Variants in TGFBR3 observed in about 807,000 individuals in gnomAD.
TGFBR3 encodes the protein transforming growth factor beta receptor type 3.
A neutral mutation model predicts 87.9 loss-of-function variants in TGFBR3; 46 were observed. The ratio of observed to expected loss-of-function variants is 0.52; its 90% CI spans 0.41 to 0.67. The LOEUF (loss-of-function observed/expected upper bound fraction) is 0.67, where lower values mean the gene tolerates loss of function less well. Ranked by LOEUF, TGFBR3 falls within the 30% of genes least tolerant of loss-of-function variation. The pLI is 0.00. For synonymous variants in TGFBR3, 381 were observed against 391.6 expected (o/e 0.97, Z 0.32); for missense variants, 866 against 1,041.9 (o/e 0.83, Z 2.32).
chr1:91,698,232 A>G lies in TGFBR3; in HGVS notation c.2288-102T>C, dbSNP rs527599555. 3.9e-5 allele frequency: 38 copies of G among 967,062 alleles called. No homozygotes were observed. The African/African-American group carries it at 5.6e-4, about 14-fold the overall frequency. 59.9% of individuals were successfully genotyped at this position (967,062 alleles called of 1,614,324 possible). ...GAAACTGACACTTTTCCATTTGGTA[A>G]TAAATACTGTGAGAAAGCTCTGTCA... On this transcript the variant is annotated intron_variant, in intron 14 of 16. Transcript: ENST00000212355.
chr1:91,900,661 C>T (rs1462441568), intron 1 of TGFBR3, among the ~76,000 whole-genome samples: 1 of 152,222 alleles, frequency 6.6e-6, no homozygotes, highest in African/African-American at 2.4e-5. Flanking sequence ...TCACTCTTTT[C>T]TGTTAGTGCC....
At chr1:91,840,271 G>A (rs12134037) in intron 2 of TGFBR3, among the ~76,000 whole-genome samples, 35,936 of 150,316 alleles carry the variant, frequency 0.24, 5,525 homozygotes, top group Middle Eastern at 0.35. Flanking sequence ...GCAGTGAGCC[G>A]AGACCATGCC....
chr1:91,702,775 T>C (rs1042174138), intron 14 of TGFBR3, among the ~76,000 whole-genome samples: 3 of 152,166 alleles, frequency 2.0e-5, no homozygotes, highest in African/African-American at 7.2e-5. Flanking sequence ...CCGGGAGCGG[T>C]GGCTCAGGCC....
At chr1:91,840,066 T>C (rs1273767699) in intron 2 of TGFBR3, among the ~76,000 whole-genome samples, 2 of 151,940 alleles carry the variant, frequency 1.3e-5, no homozygotes, top group African/African-American at 4.8e-5. Context: ...TCCCAGCACT[T>C]TGGGAGGCTC....
chr1:91,687,639 C>T (rs915062166), intron 16 of TGFBR3, among the ~76,000 whole-genome samples: 2 of 152,100 alleles, frequency 1.3e-5, no homozygotes, highest in Non-Finnish European at 2.9e-5. Flanking sequence ...CAAATACTCT[C>T]CATGAGGATT....
At chr1:91,784,084 T>A (rs1429382763) in intron 3 of TGFBR3, among the ~76,000 whole-genome samples, 2 of 151,946 alleles carry the variant, frequency 1.3e-5, no homozygotes, top group Non-Finnish European at 2.9e-5. Context: ...CTAAAACCCC[T>A]CAGAGTAAAG....
chr1:91,891,268 G>A (rs962560493), intron 2 of TGFBR3, among the ~76,000 whole-genome samples: 45 of 151,570 alleles, frequency 3.0e-4, no homozygotes, highest in African/African-American at 1.0e-3. Context: ...TTGGGAGGCC[G>A]AGGTGAATCA....
At chr1:91,805,127 G>A (rs1015678190) in intron 2 of TGFBR3, among the ~76,000 whole-genome samples, 1 of 152,172 alleles carries the variant, frequency 6.6e-6, no homozygotes, top group Non-Finnish European at 1.5e-5. Context: ...CCACACAGAG[G>A]TAGAATGTGT....
chr1:91,732,441 A>G (rs1672808092), intron 5 of TGFBR3, among the ~76,000 whole-genome samples: 2 of 152,138 alleles, frequency 1.3e-5, no homozygotes, highest in Admixed American at 6.5e-5. Flanking sequence ...CAAGTCCCCA[A>G]GTGATGCGGA....
At chr1:91,838,326 ATATT>A (rs1004815990) in intron 2 of TGFBR3, among the ~76,000 whole-genome samples, 2 of 152,332 alleles carry the variant, frequency 1.3e-5, no homozygotes, top group African/African-American at 2.4e-5. Flanking sequence ...AAATTTTTAA[ATATT>A]TATTAATTCA....
intron 7 of TGFBR3, among the ~76,000 whole-genome samples, chr1:91,723,973 T>C (rs1672461657): frequency 6.6e-6 from 1 of 152,212 alleles, no homozygotes. Flanking sequence ...GGTTGTGGGA[T>C]ATTGGCTGAA....
chr1:91,905,342 C>T (rs1310065892), intron 1 of TGFBR3, among the ~76,000 whole-genome samples: 1 of 152,180 alleles, frequency 6.6e-6, no homozygotes, highest in East Asian at 1.9e-4. Flanking sequence ...CTAAATTTAG[C>T]ATGCCAAACC....
Position 91,800,171 on chromosome 1 carries a change from C to T in TGFBR3, c.62-2700G>A, listed in dbSNP as rs142655704. 4.3e-3 allele frequency among the ~76,000 whole-genome samples: 645 copies of T among 149,692 alleles called. 5 individuals carry two copies. Among genetic ancestry groups the T allele is most frequent in the South Asian group, 0.016 (74 of 4,692 alleles). ...CTTTGGAAGGCCAAGGCAGGTGGAT[C>T]GCTTGAGCCCAGGAGTACAAAAGCA... On this transcript the variant is annotated intron_variant, in intron 2 of 16. Coordinates refer to ENST00000212355, the MANE Select transcript of TGFBR3 (RefSeq NM_003243.5).
intron 2 of TGFBR3, among the ~76,000 whole-genome samples, chr1:91,832,786 T>C (rs2489184): frequency 0.12 from 18,207 of 149,012 alleles, 1,377 homozygotes; most frequent in East Asian, 0.39. Flanking sequence ...GCGGATCACA[T>C]GAGGCCAGGA....
Position 91,712,328 on chromosome 1 carries a change from G to C in TGFBR3, c.2081C>G (p.Pro694Arg), listed in dbSNP as rs1672010447. Residue 694 changes from proline to arginine, a missense_variant, in exon 13 of 17, where the codon CCT (proline) becomes CGT (arginine). Transcript: ENST00000212355. Reference sequence around the variant, plus strand: ...AAAGAGCAGTGAGGTGTTGAAGACAGGCTTGAAGACAAAGCTGAATCGCTT... The same window carrying C: ...AAAGAGCAGTGAGGTGTTGAAGACACGCTTGAAGACAAAGCTGAATCGCTT... ...DKKRFSFVFK[P>R]VFNTSLLFLQ... The C allele has an allele frequency of 6.2e-7, 1 of 1,614,230 alleles. No homozygotes were observed. The highest frequency in any genetic ancestry group is 1.1e-5 in the South Asian group (1 of 91,092).
chr1:91,772,442 T>C lies in TGFBR3; in HGVS notation c.247-13692A>G, dbSNP rs991305190. Among the ~76,000 whole-genome samples, 5 of 152,082 alleles carry C rather than the reference T, an allele frequency of 3.3e-5. No individual in the cohort carries two copies. The South Asian group carries it at 8.3e-4, about 25-fold the overall frequency. On this transcript the variant is annotated intron_variant, in intron 3 of 16. Transcript: ENST00000212355. ...TCAAACTCTAGCCCTCAACCCTAAA[T>C]CTCCTAGACTTGAGGAGTTTGTTCC...
Position 91,862,407 on chromosome 1 carries a change from TAAAG to T in TGFBR3, c.-113-767_-113-764del, listed in dbSNP as rs896379793. Among the ~76,000 whole-genome samples, 3 of 152,156 alleles carry T rather than the reference TAAAG, an allele frequency of 2.0e-5. 1 individual carries two copies. Among genetic ancestry groups the T allele is most frequent in the African/African-American group, 2.4e-5 (1 of 41,522 alleles). ...GTGCTAGGAATCAATCTGAAAAAAATAAAGAAACATAAAAAGGCAAGGTTCTTAT... is the reference window on the plus strand; with the variant it reads ...GTGCTAGGAATCAATCTGAAAAAAATAAACATAAAAAGGCAAGGTTCTTAT... On this transcript the variant is annotated intron_variant, in intron 1 of 16. Transcript: ENST00000212355.
intron 16 of TGFBR3, among the ~76,000 whole-genome samples, chr1:91,693,217 G>A (rs1407425746): frequency 1.3e-5 from 2 of 152,214 alleles, no homozygotes; most frequent in Non-Finnish European, 2.9e-5. Context: ...AGAGGCTACA[G>A]TTTTTAATAA....
At chr1:91,684,175 C>T (rs1285087729) in intron 16 of TGFBR3, among the ~76,000 whole-genome samples, 1 of 152,160 alleles carries the variant, frequency 6.6e-6, no homozygotes, top group East Asian at 1.9e-4. Flanking sequence ...GAAATCACCA[C>T]CACTTGGTCT....
Sources: gnomAD v4.1 joint callset for allele counts (sites outside exome capture counted in the v4.1 genomes callset) on GRCh38, gnomAD v4.1.1 for gene constraint, MANE v1.5 for transcripts, NCBI Gene and HGNC (gene_info 2026-07-23, HGNC 2026-07-21) for gene names.